The following GOLPH3 variants were observed in gnomAD, a reference collection of about 807,000 sequenced individuals.
The protein encoded by GOLPH3 is golgi phosphoprotein 3, also known as coat protein GPP34.
GOLPH3 carries 14 observed loss-of-function variants against 28.5 expected under a neutral mutation model. The observed-to-expected ratio is 0.49, with a 90% CI of 0.32 to 0.77. GOLPH3 has a LOEUF of 0.77. GOLPH3 is among the 30% of genes least tolerant of loss of function. GOLPH3 has a pLI of 0.03. For synonymous variants in GOLPH3, 158 were observed against 159.2 expected (o/e 0.99, Z 0.06); for missense variants, 350 against 393.7 (o/e 0.89, Z 0.94).
intron 2 of GOLPH3, among the ~76,000 whole-genome samples, chr5:32,141,070 C>T (rs892653622): frequency 6.7e-6 from 1 of 149,536 alleles, no homozygotes. Context: ...GGCTGAGGCA[C>T]GTAAATCACT....
At chr5:32,159,585 AG>A (rs1335984028) in intron 1 of GOLPH3, among the ~76,000 whole-genome samples, 1 of 152,234 alleles carries the variant, frequency 6.6e-6, no homozygotes, top group Non-Finnish European at 1.5e-5. Context: ...TGAATTTTTA[AG>A]GGTTTTTCAC....
Position 32,126,178 on chromosome 5 carries a change from TGA to T in GOLPH3, c.*32_*33del. 6.4e-7 allele frequency: 1 copy of T among 1,568,996 alleles called. No individual in the cohort carries two copies. The highest frequency in any genetic ancestry group is 1.2e-5 in the South Asian group (1 of 84,884). ...ACAGAAGAAAAACTACTGGTTTACT[TGA>T]GAGAAAGGAGAATGGTTCACCCCGA... On this transcript the variant is annotated 3_prime_UTR_variant, in exon 4 of 4. Coordinates refer to ENST00000265070, the MANE Select transcript of GOLPH3 (RefSeq NM_022130.4).
intron 1 of GOLPH3, among the ~76,000 whole-genome samples, chr5:32,156,590 A>G (rs530403761): frequency 6.6e-6 from 1 of 152,232 alleles, no homozygotes; most frequent in South Asian, 2.1e-4. Flanking sequence ...GTTTCAGGAA[A>G]GACAATTTTT....
chr5:32,136,245 C>T (rs1298532057), intron 2 of GOLPH3, among the ~76,000 whole-genome samples: 2 of 152,000 alleles, frequency 1.3e-5, no homozygotes, highest in Admixed American at 6.6e-5. Flanking sequence ...CTTGGGAGGC[C>T]GAGGCGGGTG....
intron 1 of GOLPH3, among the ~76,000 whole-genome samples, chr5:32,150,919 A>G (rs1746290172): frequency 6.6e-6 from 1 of 152,228 alleles, no homozygotes. Flanking sequence ...GGACAACCAG[A>G]TAGTCATTAG....
At chr5:32,163,028 A>C (rs900029530) in intron 1 of GOLPH3, among the ~76,000 whole-genome samples, 1 of 152,218 alleles carries the variant, frequency 6.6e-6, no homozygotes, top group African/African-American at 2.4e-5. Flanking sequence ...CAGTGAGCCA[A>C]GATTGCACCA....
intron 3 of GOLPH3, among the ~76,000 whole-genome samples, chr5:32,130,000 C>A (rs1435743409): frequency 6.6e-6 from 1 of 152,140 alleles, no homozygotes; most frequent in Non-Finnish European, 1.5e-5. Flanking sequence ...TGCCACCATG[C>A]CCAGCTAATT....
chr5:32,169,086 C>A (rs1746776907), intron 1 of GOLPH3, among the ~76,000 whole-genome samples: 1 of 152,036 alleles, frequency 6.6e-6, no homozygotes, highest in Non-Finnish European at 1.5e-5. Context: ...CCAGCCTGAG[C>A]CATGTGGTGA....
chr5:32,128,582 C>T (rs991429331), intron 3 of GOLPH3, among the ~76,000 whole-genome samples: 3 of 151,856 alleles, frequency 2.0e-5, no homozygotes, highest in African/African-American at 2.4e-5. Context: ...TCATTTAAAC[C>T]GGGGGAGGGC....
Position 32,174,150 on chromosome 5 carries a change from CG to C in GOLPH3, c.-117del. 1.6e-6 allele frequency: 1 copy of C among 622,924 alleles called. No individual in the cohort carries two copies. Among genetic ancestry groups the C allele is most frequent in the Non-Finnish European group, 2.3e-6 (1 of 435,270 alleles). 38.6% of individuals were successfully genotyped at this position (622,924 alleles called of 1,614,324 possible). ...TCCGTGTTAAATCCGGACGCCGGGG[CG>C]ACGTCCGTCGGCAGCAGGGCCGGGG... is the stretch of plus-strand genomic sequence containing the variant. On this transcript the variant is annotated 5_prime_UTR_variant, in exon 1 of 4. An upstream open reading frame in the 5' UTR loses its in-frame stop. Transcript: ENST00000265070.
At chr5:32,136,027 T>C (rs1211446325) in intron 2 of GOLPH3, among the ~76,000 whole-genome samples, 2 of 151,940 alleles carry the variant, frequency 1.3e-5, no homozygotes, top group Non-Finnish European at 2.9e-5. Context: ...ATACAAAAAT[T>C]AGCCAGGTGT....
intron 1 of GOLPH3, among the ~76,000 whole-genome samples, chr5:32,173,372 A>C (rs963096674): frequency 2.0e-5 from 3 of 151,674 alleles, no homozygotes; most frequent in African/African-American, 7.3e-5. Flanking sequence ...CAGCAAGCAG[A>C]TCCGGGCACC....
intron 3 of GOLPH3, among the ~76,000 whole-genome samples, chr5:32,128,317 G>T (rs1745729280): frequency 6.6e-6 from 1 of 152,118 alleles, no homozygotes. Context: ...TTAGTAGTAG[G>T]GCTAAACCAG....
intron 1 of GOLPH3, among the ~76,000 whole-genome samples, chr5:32,152,126 CCTTT>C (rs1400971800): frequency 6.6e-6 from 1 of 151,198 alleles, no homozygotes; most frequent in African/African-American, 2.4e-5. Flanking sequence ...GCATATTTTA[CCTTT>C]TTTTTTTTCT....
intron 1 of GOLPH3, among the ~76,000 whole-genome samples, chr5:32,159,587 G>A (rs887757340): frequency 2.6e-5 from 4 of 152,086 alleles, no homozygotes; most frequent in African/African-American, 9.7e-5. Flanking sequence ...AATTTTTAAG[G>A]GTTTTTCACT....
At chr5:32,137,589 G>A (rs1285746778) in intron 2 of GOLPH3, among the ~76,000 whole-genome samples, 1 of 152,034 alleles carries the variant, frequency 6.6e-6, no homozygotes, top group African/African-American at 2.4e-5. Flanking sequence ...AACCCAGGAG[G>A]TGGAGGCTGC....
chr5:32,160,608 G>A (rs550391512), intron 1 of GOLPH3, among the ~76,000 whole-genome samples: 12 of 152,320 alleles, frequency 7.9e-5, no homozygotes, highest in African/African-American at 2.9e-4. Flanking sequence ...TGTGCTAGAT[G>A]CTAGAGATAC....
chr5:32,143,651 A>G (rs1359964734), intron 2 of GOLPH3, 98 bp downstream of exon 2: 2 of 1,076,406 alleles, frequency 1.9e-6, no homozygotes, highest in Non-Finnish European at 2.7e-6. Context: ...CAACTTTAAT[A>G]TCAACTTCCA....
rs1176956269 is a variant in GOLPH3, at chr5:32,125,150, G to A, written c.*1062C>T. The A allele has an allele frequency of 6.6e-6, 1 of 152,574 alleles. No individual in the cohort carries two copies. The highest frequency in any genetic ancestry group is 1.5e-5 in the Non-Finnish European group (1 of 68,030). 9.5% of individuals were successfully genotyped at this position (152,574 alleles called of 1,614,324 possible). On this transcript the variant is annotated 3_prime_UTR_variant, in exon 4 of 4. Transcript: ENST00000265070. ...CCAATTTACATGCAACATCTGCTAG[G>A]ACTGACATTTGATTTTTTTCCCCAA... is the stretch of plus-strand genomic sequence containing the variant.
Sources: allele counts gnomAD v4.1 joint callset (sites outside exome capture counted in the v4.1 genomes callset), GRCh38; gene constraint gnomAD v4.1.1; transcripts MANE v1.5; gene names NCBI Gene and HGNC (gene_info 2026-07-23, HGNC 2026-07-21).